BTC: variants seen among roughly 807,000 people sequenced by gnomAD.
BTC encodes the protein betacellulin.
A neutral mutation model predicts 18.1 loss-of-function variants in BTC; 13 were observed. That is an observed-to-expected ratio of 0.72 (90% CI 0.47 to 1.14). BTC has a LOEUF of 1.14. Ranked by LOEUF, BTC falls within the 50% of genes most tolerant of loss-of-function variation. The probability of loss-of-function intolerance (pLI) is 0.00; values close to 1 mark genes in which losing one functional copy is unlikely to be tolerated. For synonymous variants in BTC, 83 were observed against 79.4 expected, an observed-to-expected ratio of 1.05 and a Z score of -0.24; for missense variants, 247 against 224.2, an observed-to-expected ratio of 1.10 and a Z score of -0.65.
rs1256320239 is a variant in BTC at position 74,745,243 on chromosome 4, AG to A, written c.*1433del. On this transcript the variant is annotated 3_prime_UTR_variant, in exon 6 of 6. Transcript: ENST00000395743. ...TTGGCTTAGCTTTTACTAATAGGGG[AG>A]CTATTTATGTATCATATGTAAGTAC... The A allele has an allele frequency of 6.6e-6, 1 of 152,142 alleles. No individual in the cohort carries two copies. The highest frequency in any genetic ancestry group is 1.5e-5 in the Non-Finnish European group (1 of 68,018). The allele number at this position is 152,142 out of a possible 1,614,324, so 9.4% of individuals were successfully genotyped here.
At chr4:74,788,558 A>G (rs1725542226) in intron 1 of BTC, among the ~76,000 whole-genome samples, 1 of 152,246 alleles carries the variant, frequency 6.6e-6, no homozygotes, top group African/African-American at 2.4e-5. Flanking sequence ...TTTTCTCATT[A>G]ATGTTTAATA....
intron 1 of BTC, among the ~76,000 whole-genome samples, chr4:74,779,265 A>G (rs1577966058): frequency 1.3e-5 from 2 of 152,180 alleles, no homozygotes; most frequent in Non-Finnish European, 2.9e-5. Flanking sequence ...AAAGTAATTT[A>G]ACAACCTGTC....
At chr4:74,751,702 C>T (rs1026157016) in intron 3 of BTC, among the ~76,000 whole-genome samples, 1 of 152,006 alleles carries the variant, frequency 6.6e-6, no homozygotes, top group African/African-American at 2.4e-5. Context: ...TTGAGTACTC[C>T]CCATAGAATT....
intron 4 of BTC, among the ~76,000 whole-genome samples, chr4:74,748,702 T>C (rs1553955764): frequency 6.6e-6 from 1 of 152,162 alleles, no homozygotes; most frequent in African/African-American, 2.4e-5. Flanking sequence ...GCCAAGTTAT[T>C]TTACAAAATA....
intron 2 of BTC, among the ~76,000 whole-genome samples, chr4:74,759,119 A>G (rs1287813825): frequency 6.6e-6 from 1 of 152,176 alleles, no homozygotes; most frequent in African/African-American, 2.4e-5. Flanking sequence ...ATATTGAACT[A>G]TGGAACCCAG....
intron 1 of BTC, among the ~76,000 whole-genome samples, chr4:74,778,126 G>A (rs928300946): frequency 2.0e-5 from 3 of 151,898 alleles, no homozygotes; most frequent in Non-Finnish European, 2.9e-5. Context: ...ATGTTACAGC[G>A]TTCTCCTTTT....
chr4:74,752,431 T>A (rs1385069618), intron 3 of BTC, among the ~76,000 whole-genome samples: 1 of 145,786 alleles, frequency 6.9e-6, no homozygotes, highest in East Asian at 2.0e-4. Context: ...CAGGCTGGAG[T>A]GCAGTGGCGC....
intron 1 of BTC, among the ~76,000 whole-genome samples, chr4:74,776,937 T>C (rs1725190613): frequency 1.3e-5 from 2 of 152,216 alleles, no homozygotes; most frequent in South Asian, 2.1e-4. Context: ...CCATATCATA[T>C]CATTTAAGAT....
At chr4:74,775,326 G>C (rs1026799980) in intron 1 of BTC, among the ~76,000 whole-genome samples, 1 of 152,092 alleles carries the variant, frequency 6.6e-6, no homozygotes, top group Non-Finnish European at 1.5e-5. Context: ...AGTGAAATAA[G>C]AAAGTTTAAA....
chr4:74,762,849 C>T (rs1724796500), intron 2 of BTC, among the ~76,000 whole-genome samples: 1 of 152,072 alleles, frequency 6.6e-6, no homozygotes, highest in Admixed American at 6.6e-5. Context: ...TAACATTACT[C>T]AATGCCACAA....
chr4:74,773,608 G>T (rs1168563053), intron 1 of BTC, among the ~76,000 whole-genome samples: 1 of 140,634 alleles, frequency 7.1e-6, no homozygotes, highest in Non-Finnish European at 1.5e-5. Context: ...TGGTAAGATA[G>T]ACACAAACTT....
At chr4:74,779,256 A>G (rs944989095) in intron 1 of BTC, among the ~76,000 whole-genome samples, 1 of 152,180 alleles carries the variant, frequency 6.6e-6, no homozygotes, top group African/African-American at 2.4e-5. Flanking sequence ...CCAGAAGGGA[A>G]AGTAATTTAA....
At chr4:74,790,649 T>C (rs1181298135) in intron 1 of BTC, among the ~76,000 whole-genome samples, 3 of 152,300 alleles carry the variant, frequency 2.0e-5, no homozygotes, top group Non-Finnish European at 2.9e-5. Context: ...GACTGGAGAA[T>C]ATACAGGAGT....
intron 2 of BTC, among the ~76,000 whole-genome samples, chr4:74,756,621 T>A (rs1235743539): frequency 6.6e-6 from 1 of 152,184 alleles, no homozygotes; most frequent in African/African-American, 2.4e-5. Context: ...ACTCTGGCAT[T>A]TGTTGAGCCA....
chr4:74,744,963 T>C lies in BTC; in HGVS notation c.*1714A>G, dbSNP rs571902179. On this transcript the variant is annotated 3_prime_UTR_variant, in exon 6 of 6. Coordinates refer to ENST00000395743, the MANE Select transcript of BTC (RefSeq NM_001729.4). ...TCAAAACAAAATGGCTTGAGAGATT[T>C]TGTTGGTCAGCCAAACTCAGTCCAG... is the stretch of plus-strand genomic sequence containing the variant. The C allele has an allele frequency of 1.3e-5, 2 of 152,324 alleles. No homozygotes were observed. The highest frequency in any genetic ancestry group is 3.9e-4 in the East Asian group (2 of 5,184). 9.4% of individuals were successfully genotyped at this position (152,324 alleles called of 1,614,324 possible). A position where few individuals can be genotyped will look rare whatever the true frequency, so the allele number is the denominator to read the frequency against.
intron 3 of BTC, 71 bp from the exon 4 acceptor site, chr4:74,750,790 G>A: frequency 2.6e-6 from 4 of 1,528,662 alleles, no homozygotes; most frequent in Non-Finnish European, 3.5e-6. Context: ...CTTTTCTGAA[G>A]AAATTAACAG....
At chr4:74,771,777 T>C (rs1725049840) in intron 1 of BTC, among the ~76,000 whole-genome samples, 1 of 152,148 alleles carries the variant, frequency 6.6e-6, no homozygotes, top group African/African-American at 2.4e-5. Flanking sequence ...TAAAAGCAAA[T>C]ACACACACAA....
chr4:74,755,800 G>T, intron 3 of BTC, 59 bp downstream of exon 3: 3 of 1,485,462 alleles, frequency 2.0e-6, no homozygotes, highest in South Asian at 2.3e-5. Flanking sequence ...GTCCTGGCAA[G>T]ACCCAGGCGG....
chr4:74,773,756 T>C (rs1019047728), intron 1 of BTC, among the ~76,000 whole-genome samples: 4 of 151,950 alleles, frequency 2.6e-5, no homozygotes, highest in Middle Eastern at 6.8e-3. Flanking sequence ...AGATTATAGG[T>C]GCCTGCCACC....
Sources: gnomAD v4.1 joint callset for allele counts (sites outside exome capture counted in the v4.1 genomes callset) on GRCh38, gnomAD v4.1.1 for gene constraint, MANE v1.5 for transcripts, NCBI Gene and HGNC (gene_info 2026-07-23, HGNC 2026-07-21) for gene names.